NPTXR: variants seen among roughly 807,000 people sequenced by gnomAD.
NPTXR encodes the protein neuronal pentraxin receptor.
In NPTXR, 12 loss-of-function variants were observed where a neutral mutation model predicts 32.2. The ratio of observed to expected loss-of-function variants is 0.37; its 90% CI spans 0.24 to 0.60. NPTXR has a LOEUF of 0.60. Among genes scored for constraint, NPTXR ranks in the 20% least tolerant of loss-of-function variants. The pLI is 0.66. For synonymous variants in NPTXR, 323 were observed against 315.8 expected (o/e 1.02, Z -0.24); for missense variants, 612 against 682.9 (o/e 0.90, Z 1.16).
chr22:38,840,027 T>C (rs1005573050), intron 1 of NPTXR, among the ~76,000 whole-genome samples: 1 of 152,242 alleles, frequency 6.6e-6, no homozygotes, highest in South Asian at 2.1e-4. Flanking sequence ...TTTATTTCAA[T>C]GAACAACAAT....
chr22:38,818,682 TG>T lies in NPTXR; in HGVS notation c.*3926del, dbSNP rs2093091635. 1 of 152,110 alleles carries T rather than the reference TG, an allele frequency of 6.6e-6. No individual in the cohort carries two copies. Among genetic ancestry groups the T allele is most frequent in the Non-Finnish European group, 1.5e-5 (1 of 68,028 alleles). 9.4% of individuals were successfully genotyped at this position (152,110 alleles called of 1,614,324 possible). A position where few individuals can be genotyped will look rare whatever the true frequency, so the allele number is the denominator to read the frequency against. On this transcript the variant is annotated 3_prime_UTR_variant, in exon 5 of 5. Transcript: ENST00000333039. The surrounding 1 kb of genome is among the most constrained non-coding windows in gnomAD (Gnocchi z 4.5). Reference sequence around the variant, plus strand: ...TGTCACAGTGTCAGACAACTTGACATGCTCACTCACACTCAGCCTGGGCCCA... The same window carrying T: ...TGTCACAGTGTCAGACAACTTGACATCTCACTCACACTCAGCCTGGGCCCA...
intron 2 of NPTXR, 87 bp downstream of exon 2, chr22:38,828,200 A>G (rs927749726): frequency 4.7e-6 from 5 of 1,067,106 alleles, no homozygotes; most frequent in Non-Finnish European, 7.0e-6. Context: ...TGTCGATGTT[A>G]GCCTCCGGGG....
chr22:38,822,960 G>T, intron 4 of NPTXR, 123 bp downstream of exon 4: 1 of 1,442,588 alleles, frequency 6.9e-7, no homozygotes, highest in Non-Finnish European at 9.6e-7. Flanking sequence ...AAGCCCCACC[G>T]CCAACGCTCT....
At position 38,820,313 on chromosome 22, in the gene NPTXR, G is replaced by A. The variant is rs2093094708; in HGVS notation, c.*2296C>T. On this transcript the variant is annotated 3_prime_UTR_variant, in exon 5 of 5. Transcript: ENST00000333039. ...GCAATCTATTTATGTTCTCGAAATG[G>A]AAAGCAGGATCTGGGCGCGGGAGGC... 6.6e-6 allele frequency: 1 copy of A among 152,664 alleles called. No homozygotes were observed. Among genetic ancestry groups the A allele is most frequent in the Non-Finnish European group, 1.5e-5 (1 of 68,070 alleles). The allele number at this position is 152,664 out of a possible 1,614,324, so 9.5% of individuals were successfully genotyped here. A position where few individuals can be genotyped will look rare whatever the true frequency, so the allele number is the denominator to read the frequency against.
chr22:38,843,287 A>C lies in NPTXR; in HGVS notation c.572T>G (p.Leu191Arg). The change falls in exon 1 of 5, where the codon CTG becomes CGG. Residue 191 changes from leucine to arginine, a missense_variant. Leu to Arg is a moderately radical substitution (Grantham distance 102). Transcript: ENST00000333039. The surrounding 1 kb of genome is among the most constrained non-coding windows in gnomAD (Gnocchi z 5.3). ...GGCGCGCACGGCGTCCTCCAGCTCC[A>C]GAATGAGCGCAGGCGAGTCCCAGGG... The C allele has an allele frequency of 7.0e-7, 1 of 1,438,828 alleles. No individual in the cohort carries two copies. The highest frequency in any genetic ancestry group is 1.5e-5 in the African/African-American group (1 of 67,172). The allele number at this position is 1,438,828 out of a possible 1,614,324, so 89.1% of individuals were successfully genotyped here.
Position 38,843,058 on chromosome 22 carries a change from C to G in NPTXR, c.624+177G>C, listed in dbSNP as rs2093133821. ...GGCGCGCCCTCTGTGCCTCAGTCAC[C>G]GTGCCAGACGCCTGCCCGCGTTCCC... is the stretch of plus-strand genomic sequence containing the variant. On this transcript the variant is annotated intron_variant, in intron 1 of 4. Coordinates refer to ENST00000333039, the MANE Select transcript of NPTXR (RefSeq NM_014293.4). The surrounding 1 kb of genome is among the most constrained non-coding windows in gnomAD (Gnocchi z 5.3). Among the ~76,000 whole-genome samples, 1 of 152,222 alleles carries G rather than the reference C, an allele frequency of 6.6e-6. No individual in the cohort carries two copies. Among genetic ancestry groups the G allele is most frequent in the Non-Finnish European group, 1.5e-5 (1 of 68,032 alleles).
intron 1 of NPTXR, among the ~76,000 whole-genome samples, chr22:38,835,344 C>G (rs1398317584): frequency 6.6e-6 from 1 of 152,210 alleles, no homozygotes; most frequent in Non-Finnish European, 1.5e-5. Context: ...GCCTTCCTCT[C>G]CAGGGACAGA....
rs745398058 is a variant in NPTXR, at chr22:38,823,607, G to C, written c.1099-345C>G. ...CACACAGCACTCAGCACACAGCTAG[G>C]GCTCAAGAAGTACTGGCAGGGATAG... On this transcript the variant is annotated intron_variant, in intron 3 of 4. Coordinates refer to ENST00000333039, the MANE Select transcript of NPTXR (RefSeq NM_014293.4). Among the ~76,000 whole-genome samples, 36 of 152,218 alleles carry C rather than the reference G, an allele frequency of 2.4e-4. 1 individual carries two copies. The highest frequency in any genetic ancestry group is 4.3e-4 in the Non-Finnish European group (29 of 68,032).
rs1569327426 is a variant in NPTXR at position 38,826,393 on chromosome 22, A to G, written c.1098+107T>C. 5 of 1,334,410 alleles carry G rather than the reference A, an allele frequency of 3.7e-6. No homozygotes were observed. The African/African-American group carries it at 4.4e-5, about 12-fold the overall frequency. The allele number at this position is 1,334,410 out of a possible 1,614,324, so 82.7% of individuals were successfully genotyped here. A position where few individuals can be genotyped will look rare whatever the true frequency, so the allele number is the denominator to read the frequency against. ...GGTAGGTACTTAATGTGTGCTGAAT[A>G]TGCAGAGCAGGAGAATGAGCAGGAG... On this transcript the variant is annotated intron_variant, in intron 3 of 4. Coordinates refer to ENST00000333039, the MANE Select transcript of NPTXR (RefSeq NM_014293.4).
At chr22:38,836,586 G>A (rs181769594) in intron 1 of NPTXR, among the ~76,000 whole-genome samples, 1,714 of 152,254 alleles carry the variant, frequency 0.011, 41 homozygotes, top group African/African-American at 0.038. Flanking sequence ...CAGAATAGCC[G>A]TTGCCTTTGG....
At chr22:38,842,660 G>A (rs1469350064) in intron 1 of NPTXR, among the ~76,000 whole-genome samples, 5 of 152,178 alleles carry the variant, frequency 3.3e-5, no homozygotes, top group Non-Finnish European at 5.9e-5. Flanking sequence ...GAGCTCCTGC[G>A]GTTTGGGTCA....
intron 1 of NPTXR, among the ~76,000 whole-genome samples, chr22:38,832,279 G>A (rs577417365): frequency 1.2e-4 from 18 of 152,330 alleles, no homozygotes; most frequent in Admixed American, 1.0e-3. Flanking sequence ...TGCTGTGGGC[G>A]CAGGCTGTGC....
rs1156557797 is a variant in NPTXR at position 38,828,423 on chromosome 22, C to G, written c.714G>C (p.Leu238=). 5 of 1,612,530 alleles carry G rather than the reference C, an allele frequency of 3.1e-6. No homozygotes were observed. The highest frequency in any genetic ancestry group is 3.4e-6 in the Non-Finnish European group (4 of 1,179,836). ...GCACCTGGGCCAGCAGCTGCCCCTC[C>G]AGCTGGTCCATCTTGGAGTGTAGGC... The change falls in exon 2 of 5, where the codon CTG becomes CTC. Residue 238 remains leucine (L), a synonymous_variant. Transcript: ENST00000333039.
intron 1 of NPTXR, among the ~76,000 whole-genome samples, chr22:38,837,662 C>G (rs2093125979): frequency 6.6e-6 from 1 of 152,038 alleles, no homozygotes; most frequent in Admixed American, 6.5e-5. Flanking sequence ...TATTTAGAAG[C>G]CTTCTGCCCA....
At chr22:38,840,886 G>A (rs188873694) in intron 1 of NPTXR, among the ~76,000 whole-genome samples, 5 of 152,278 alleles carry the variant, frequency 3.3e-5, no homozygotes, top group East Asian at 3.9e-4. Context: ...TGTGAGAGGC[G>A]GCTGGAAGCC....
chr22:38,840,802 A>G (rs1453107497), intron 1 of NPTXR, among the ~76,000 whole-genome samples: 1 of 152,058 alleles, frequency 6.6e-6, no homozygotes, highest in Non-Finnish European at 1.5e-5. Flanking sequence ...GAGGGCCAAG[A>G]CGGGCACATG....
intron 1 of NPTXR, among the ~76,000 whole-genome samples, chr22:38,839,559 C>T (rs902380326): frequency 1.3e-5 from 2 of 152,040 alleles, no homozygotes; most frequent in African/African-American, 4.8e-5. Flanking sequence ...GCAGGAGAAT[C>T]GCTTGAACCT....
chr22:38,826,996 A>C (rs1010697331), intron 2 of NPTXR, among the ~76,000 whole-genome samples: 1 of 152,104 alleles, frequency 6.6e-6, no homozygotes, highest in Non-Finnish European at 1.5e-5. Context: ...TCAACAAATT[A>C]AACTTGTTGG....
In NPTXR at chr22:38,820,003, A is replaced by G. The variant is rs1205677197; in HGVS notation, c.*2606T>C. On this transcript the variant is annotated 3_prime_UTR_variant, in exon 5 of 5. Transcript: ENST00000333039. ...AGCGTGTGTGTGGGCTCAAGTGACC[A>G]TGCAAGTGCTGTCACCTCCTTCCTA... is the stretch of plus-strand genomic sequence containing the variant. 1.3e-5 allele frequency: 2 copies of G among 152,654 alleles called. No homozygotes were observed. Among genetic ancestry groups the G allele is most frequent in the Non-Finnish European group, 2.9e-5 (2 of 68,066 alleles). 9.5% of individuals were successfully genotyped at this position (152,654 alleles called of 1,614,324 possible).
Sources: gnomAD v4.1 joint callset for allele counts (sites outside exome capture counted in the v4.1 genomes callset) on GRCh38, gnomAD v4.1.1 for gene constraint, Gnocchi (gnomAD v3.1) non-coding constraint, MANE v1.5 for transcripts, NCBI Gene and HGNC (gene_info 2026-07-23, HGNC 2026-07-21) for gene names.